Variants in GPM6A observed in about 807,000 individuals in gnomAD.
The protein encoded by GPM6A is neuronal membrane glycoprotein M6-a.
GPM6A carries 7 observed loss-of-function variants against 32.1 expected under a neutral mutation model. That is an observed-to-expected ratio of 0.22 (90% CI 0.12 to 0.41). The LOEUF (loss-of-function observed/expected upper bound fraction) is 0.41, where lower values mean the gene tolerates loss of function less well. Among genes scored for constraint, GPM6A ranks in the 10% least tolerant of loss-of-function variants. GPM6A has a pLI of 1.00. For synonymous variants in GPM6A, 130 were observed against 123.4 expected, an observed-to-expected ratio of 1.05 and a Z score of -0.35; for missense variants, 235 against 347.2, an observed-to-expected ratio of 0.68 and a Z score of 2.57.
intron 1 of GPM6A, among the ~76,000 whole-genome samples, chr4:175,775,317 T>C (rs1162224855): frequency 6.6e-6 from 1 of 152,126 alleles, no homozygotes; most frequent in African/African-American, 2.4e-5. Context: ...AGATATTTTG[T>C]AGTGCTGAAA....
intron 1 of GPM6A, among the ~76,000 whole-genome samples, chr4:175,914,404 C>T (rs187027463): frequency 6.6e-6 from 1 of 151,528 alleles, no homozygotes; most frequent in African/African-American, 2.4e-5. Flanking sequence ...TCACTGCAAC[C>T]TCTGCCTCCC....
intron 2 of GPM6A, among the ~76,000 whole-genome samples, chr4:175,697,144 C>T (rs1296143792): frequency 6.6e-6 from 1 of 152,150 alleles, no homozygotes; most frequent in Non-Finnish European, 1.5e-5. Context: ...GGAGGGCATG[C>T]TTATGAGTAA....
chr4:175,838,039 C>A (rs1434325508), intron 1 of GPM6A, among the ~76,000 whole-genome samples: 1 of 151,290 alleles, frequency 6.6e-6, no homozygotes, highest in African/African-American at 2.4e-5. Flanking sequence ...TTCTCCAAAG[C>A]ACCTACCACA....
At chr4:175,979,639 T>C (rs1370844163) in intron 1 of GPM6A, among the ~76,000 whole-genome samples, 1 of 152,106 alleles carries the variant, frequency 6.6e-6, no homozygotes, top group Admixed American at 6.6e-5. Context: ...TATGGAGAGC[T>C]CCTGAGTTTC....
intron 1 of GPM6A, among the ~76,000 whole-genome samples, chr4:175,742,503 C>T (rs575058002): frequency 5.3e-5 from 8 of 152,122 alleles, no homozygotes; most frequent in African/African-American, 1.9e-4. Flanking sequence ...TTATTTCATC[C>T]TCTTTCTATT....
At position 175,800,629 on chromosome 4, in the gene GPM6A, A is replaced by G. The variant is rs895554246; in HGVS notation, c.37+11562T>C. 5 of 152,966 alleles carry G rather than the reference A, an allele frequency of 3.3e-5. No homozygotes were observed. The East Asian group carries it at 9.6e-4, about 29-fold the overall frequency. 9.5% of individuals were successfully genotyped at this position (152,966 alleles called of 1,614,324 possible). A position where few individuals can be genotyped will look rare whatever the true frequency, so the allele number is the denominator to read the frequency against. ...CATGGCTTCATCATATTTCTAAAAC[A>G]CAGATCATAAAACCCATTCAATGAA... On this transcript the variant is annotated intron_variant, in intron 1 of 6. Coordinates refer to ENST00000393658, the MANE Select transcript of GPM6A (RefSeq NM_201591.3).
At chr4:175,907,876 T>A (rs1240677448) in intron 1 of GPM6A, among the ~76,000 whole-genome samples, 1 of 152,168 alleles carries the variant, frequency 6.6e-6, no homozygotes, top group Non-Finnish European at 1.5e-5. Flanking sequence ...AAAAGGTGTA[T>A]TAAATAAGTT....
chr4:175,743,495 G>A (rs1731973742), intron 1 of GPM6A, among the ~76,000 whole-genome samples: 1 of 151,704 alleles, frequency 6.6e-6, no homozygotes, highest in Non-Finnish European at 1.5e-5. Flanking sequence ...AACCATACAA[G>A]AAAAATACAA....
chr4:175,797,101 T>C (rs551770247), intron 1 of GPM6A, among the ~76,000 whole-genome samples: 1 of 152,292 alleles, frequency 6.6e-6, no homozygotes, highest in South Asian at 2.1e-4. Flanking sequence ...CTGCTAGTCA[T>C]TTTAGTTCTC....
At chr4:175,669,274 C>G (rs904087542) in intron 3 of GPM6A, among the ~76,000 whole-genome samples, 1 of 152,060 alleles carries the variant, frequency 6.6e-6, no homozygotes, top group African/African-American at 2.4e-5. Context: ...AAATACTAAT[C>G]TAATATGCTG....
In GPM6A at chr4:175,873,248, C is replaced by T. The variant is rs146104766; in HGVS notation, c.-22-60999G>A. ...GTCACACACAGGCATTCCTTTATTA[C>T]ATTAAGTACTTTGTCATTTCTAATT... On this transcript the variant is annotated intron_variant, in intron 1 of 7. Coordinates refer to the GPM6A transcript ENST00000280187. Among the ~76,000 whole-genome samples, 9 of 151,716 alleles carry T rather than the reference C, an allele frequency of 5.9e-5. No homozygotes were observed. The East Asian group carries it at 1.7e-3, about 29-fold the overall frequency.
At chr4:175,775,581 A>G (rs1733361377) in intron 1 of GPM6A, among the ~76,000 whole-genome samples, 1 of 152,140 alleles carries the variant, frequency 6.6e-6, no homozygotes, top group African/African-American at 2.4e-5. Context: ...GTAAAAAAAA[A>G]TGGCAAATTT....
chr4:175,667,531 T>A (rs1357582905), intron 3 of GPM6A, among the ~76,000 whole-genome samples: 1 of 152,068 alleles, frequency 6.6e-6, no homozygotes, highest in African/African-American at 2.4e-5. Flanking sequence ...TTACAAAAAC[T>A]AAGGAAATCA....
intron 1 of GPM6A, among the ~76,000 whole-genome samples, chr4:175,905,820 A>G (rs1738113954): frequency 6.6e-6 from 1 of 152,054 alleles, no homozygotes; most frequent in African/African-American, 2.4e-5. Context: ...CTTTCCTTTA[A>G]TTGTGAAGAT....
intron 1 of GPM6A, among the ~76,000 whole-genome samples, chr4:175,912,148 C>G (rs1560990551): frequency 6.6e-6 from 1 of 151,926 alleles, no homozygotes; most frequent in Non-Finnish European, 1.5e-5. Flanking sequence ...AACAAGTAAA[C>G]AAATTGAGTT....
intron 1 of GPM6A, among the ~76,000 whole-genome samples, chr4:175,826,043 C>T (rs1166176815): frequency 6.6e-6 from 1 of 151,960 alleles, no homozygotes; most frequent in Non-Finnish European, 1.5e-5. Context: ...TGGAGTGAGC[C>T]TCTGGTCCCA....
chr4:175,947,187 TAA>T lies in GPM6A; in HGVS notation c.-23+55120_-23+55121del, dbSNP rs11351091. Among the ~76,000 whole-genome samples, 297 of 147,824 alleles carry T rather than the reference TAA, an allele frequency of 2.0e-3. 1 individual carries two copies. The highest frequency in any genetic ancestry group is 7.0e-3 in the Middle Eastern group (2 of 286). On this transcript the variant is annotated intron_variant, in intron 1 of 7. Coordinates refer to the GPM6A transcript ENST00000280187. ...TTTTAAAATCTAACTACAGAGTCTT[TAA>T]AAAAAAAAAAACACTAGCTCGAATT...
intron 6 of GPM6A, among the ~76,000 whole-genome samples, chr4:175,635,413 A>C (rs1162604840): frequency 1.3e-5 from 2 of 152,060 alleles, no homozygotes; most frequent in African/African-American, 4.8e-5. Flanking sequence ...TTTATAATCC[A>C]TAATCAGAAA....
At chr4:175,997,532 C>T (rs62340609) in intron 1 of GPM6A, among the ~76,000 whole-genome samples, 26,629 of 151,844 alleles carry the variant, frequency 0.18, 2,550 homozygotes, top group Non-Finnish European at 0.22. Context: ...CTTGCCCAAC[C>T]TTCTCATCAA....
Sources: allele counts gnomAD v4.1 joint callset (sites outside exome capture counted in the v4.1 genomes callset), GRCh38; gene constraint gnomAD v4.1.1; transcripts MANE v1.5; gene names NCBI Gene and HGNC (gene_info 2026-07-23, HGNC 2026-07-21).